The following CTNNA3 variants were observed in gnomAD, a reference collection of about 807,000 sequenced individuals.
CTNNA3 encodes the protein catenin alpha 3.
A neutral mutation model predicts 95.7 loss-of-function variants in CTNNA3; 76 were observed. The ratio of observed to expected loss-of-function variants is 0.79; its 90% CI spans 0.66 to 0.96. The LOEUF (loss-of-function observed/expected upper bound fraction) is 0.96. CTNNA3 is among the 40% of genes least tolerant of loss of function. The pLI, the probability that CTNNA3 is intolerant of heterozygous loss-of-function variation, is 0.00. For missense variants in CTNNA3, 1,191 were observed against 1,089.8 expected (o/e 1.09, Z -1.31); for synonymous variants, 431 against 374.4 (o/e 1.15, Z -1.74).
chr10:66,681,441 A>C (rs1847064245), intron 9 of CTNNA3, among the ~76,000 whole-genome samples: 1 of 152,290 alleles, frequency 6.6e-6, no homozygotes, highest in Admixed American at 6.5e-5. Context: ...AATAAAATCT[A>C]GCATACCTTT....
At chr10:67,156,403 T>G (rs1195675336) in intron 7 of CTNNA3, among the ~76,000 whole-genome samples, 1 of 152,108 alleles carries the variant, frequency 6.6e-6, no homozygotes, top group Non-Finnish European at 1.5e-5. Flanking sequence ...TTCTTCTTTT[T>G]GAATGTCAAC....
rs573191943 is a variant in CTNNA3 at position 67,610,609 on chromosome 10, C to T, written c.100-3560G>A. Among the ~76,000 whole-genome samples, 79 of 152,236 alleles carry T rather than the reference C, an allele frequency of 5.2e-4. 1 individual carries two copies. The highest frequency in any genetic ancestry group is 1.7e-3 in the African/African-American group (69 of 41,536). ...CCATAGCAGATGATTCTCACCAAGG[C>T]GGAGGATAGGAGGGCGCTATTTGAA... On this transcript the variant is annotated intron_variant, in intron 2 of 17. Transcript: ENST00000433211.
chr10:66,578,129 C>T (rs1458837348), intron 10 of CTNNA3, among the ~76,000 whole-genome samples: 1 of 151,868 alleles, frequency 6.6e-6, no homozygotes, highest in Non-Finnish European at 1.5e-5. Flanking sequence ...TGAGCTTGGA[C>T]ATTATTGGTG....
At chr10:66,917,652 C>T (rs1846565275) in intron 7 of CTNNA3, among the ~76,000 whole-genome samples, 1 of 152,184 alleles carries the variant, frequency 6.6e-6, no homozygotes, top group Admixed American at 6.5e-5. Flanking sequence ...CTTTCTCCTC[C>T]TGGTGACTGG....
chr10:66,473,313 T>C (rs904710948), intron 11 of CTNNA3, among the ~76,000 whole-genome samples: 1 of 151,766 alleles, frequency 6.6e-6, no homozygotes, highest in Non-Finnish European at 1.5e-5. Context: ...AGTGAGTGAG[T>C]TATCATGAGA....
intron 11 of CTNNA3, among the ~76,000 whole-genome samples, chr10:66,483,967 T>A (rs1410106651): frequency 6.6e-6 from 1 of 152,194 alleles, no homozygotes; most frequent in Non-Finnish European, 1.5e-5. Context: ...ACAATACTTT[T>A]TCCCCACTTT....
chr10:66,839,622 T>C (rs1842982153), intron 7 of CTNNA3, among the ~76,000 whole-genome samples: 4 of 152,142 alleles, frequency 2.6e-5, no homozygotes. Flanking sequence ...TCCATGATAT[T>C]CACACAGCAA....
At chr10:65,978,480 C>G (rs1411456128) in intron 16 of CTNNA3, among the ~76,000 whole-genome samples, 4 of 105,256 alleles carry the variant, frequency 3.8e-5, no homozygotes, top group African/African-American at 9.3e-5. Flanking sequence ...TGTTCCTGAG[C>G]AATTTTTTTT....
chr10:67,086,605 T>G (rs1461937213), intron 7 of CTNNA3, among the ~76,000 whole-genome samples: 1 of 151,918 alleles, frequency 6.6e-6, no homozygotes, highest in African/African-American at 2.4e-5. Context: ...GAAGACTACA[T>G]CAATATAGTA....
rs117096588 is a variant in CTNNA3 at position 66,796,899 on chromosome 10, T to G, written c.1048-21375A>C. 4.4e-3 allele frequency among the ~76,000 whole-genome samples: 668 copies of G among 152,196 alleles called. 8 individuals are homozygous for G. Among genetic ancestry groups the G allele is most frequent in the Middle Eastern group, 0.017 (5 of 294 alleles). ...GATCACTCCAGCGGAATATCAATGC[T>G]TTAGCCTAGTACACACATGTTCTGA... On this transcript the variant is annotated intron_variant, in intron 7 of 17. Transcript: ENST00000433211.
intron 7 of CTNNA3, among the ~76,000 whole-genome samples, chr10:66,860,148 C>A (rs562228495): frequency 7.3e-5 from 11 of 151,054 alleles, no homozygotes; most frequent in Non-Finnish European, 1.6e-4. Flanking sequence ...CACATGTACC[C>A]TAAAACTTTA....
At chr10:67,712,032 G>A (rs996333306) in intron 1 of CTNNA3, among the ~76,000 whole-genome samples, 3 of 151,932 alleles carry the variant, frequency 2.0e-5, no homozygotes, top group African/African-American at 4.8e-5. Flanking sequence ...TCCCATTACT[G>A]GGTATATACC....
intron 15 of CTNNA3, among the ~76,000 whole-genome samples, chr10:66,037,998 T>C (rs72791472): frequency 6.6e-6 from 1 of 152,300 alleles, no homozygotes; most frequent in Non-Finnish European, 1.5e-5. Flanking sequence ...CCCATGCAGC[T>C]CTACGTGTTC....
intron 17 of CTNNA3, among the ~76,000 whole-genome samples, chr10:65,937,766 T>G (rs2077366411): frequency 2.0e-5 from 3 of 152,206 alleles, no homozygotes; most frequent in African/African-American, 7.2e-5. Context: ...TACTTGATTG[T>G]TGGCTCACAT....
chr10:67,278,910 C>A (rs1477881490), intron 5 of CTNNA3, among the ~76,000 whole-genome samples: 1 of 152,142 alleles, frequency 6.6e-6, no homozygotes, highest in African/African-American at 2.4e-5. Context: ...GTTTGTAGGG[C>A]ATGATTCCCC....
chr10:66,021,170 T>G (rs7085960), intron 15 of CTNNA3, among the ~76,000 whole-genome samples: 110,777 of 151,772 alleles, frequency 0.73, 40,668 homozygotes, highest in East Asian at 0.93. Context: ...GGTCTACATA[T>G]TGTTTGCACA....
chr10:66,954,244 T>C (rs770919840), intron 7 of CTNNA3, among the ~76,000 whole-genome samples: 6 of 152,204 alleles, frequency 3.9e-5, no homozygotes, highest in Non-Finnish European at 8.8e-5. Context: ...TGTAACCATA[T>C]AGTATTTGAC....
intron 7 of CTNNA3, among the ~76,000 whole-genome samples, chr10:66,862,398 G>C (rs1843975420): frequency 6.6e-6 from 1 of 152,146 alleles, no homozygotes; most frequent in Non-Finnish European, 1.5e-5. Context: ...CTGTATGTCA[G>C]ATAAAAATAT....
intron 5 of CTNNA3, among the ~76,000 whole-genome samples, chr10:67,451,704 G>T (rs1846990257): frequency 6.6e-6 from 1 of 152,098 alleles, no homozygotes; most frequent in Admixed American, 6.5e-5. Context: ...TTTTCAACTA[G>T]AATTTGATAC....
Sources: allele counts gnomAD v4.1 joint callset (sites outside exome capture counted in the v4.1 genomes callset), GRCh38; gene constraint gnomAD v4.1.1; transcripts MANE v1.5; gene names NCBI Gene and HGNC (gene_info 2026-07-23, HGNC 2026-07-21).